Variants in TMPRSS15 observed in about 807,000 individuals in gnomAD.
TMPRSS15 encodes the protein transmembrane serine protease 15.
Under a neutral mutation model 125.3 loss-of-function variants are expected in TMPRSS15, and 128 were observed. The observed-to-expected ratio is 1.02, with a 90% CI of 0.89 to 1.18. The LOEUF is 1.18. TMPRSS15 is among the 50% of genes most tolerant of loss of function. The pLI is 0.00. For missense variants in TMPRSS15, 1,283 were observed against 1,212.7 expected, an observed-to-expected ratio of 1.06 and a Z score of -0.86; for synonymous variants, 446 against 423.2, an observed-to-expected ratio of 1.05 and a Z score of -0.66.
rs558294431 is a variant in TMPRSS15 at position 18,466,576 on chromosome 21, C to T, written c.10+19223G>A. On this transcript the variant is annotated intron_variant, in intron 1 of 7. Transcript: ENST00000422787. ...CTTTAACAAATATACAAGAAAAAAA[C>T]AACCCCATCAAAAAGTGGGCAAAGG... is the stretch of plus-strand genomic sequence containing the variant. Among the ~76,000 whole-genome samples, 6 of 151,974 alleles carry T rather than the reference C, an allele frequency of 3.9e-5. No individual in the cohort carries two copies. The South Asian group carries it at 1.2e-3, about 32-fold the overall frequency.
chr21:18,321,552 C>T (rs2075237084), intron 16 of TMPRSS15, among the ~76,000 whole-genome samples: 1 of 152,082 alleles, frequency 6.6e-6, no homozygotes, highest in African/African-American at 2.4e-5. Flanking sequence ...CGGGGTTTCA[C>T]CGTGTTAGCC....
At chr21:18,441,014 C>T (rs1308141810) in intron 1 of TMPRSS15, among the ~76,000 whole-genome samples, 1 of 152,140 alleles carries the variant, frequency 6.6e-6, no homozygotes, top group Non-Finnish European at 1.5e-5. Flanking sequence ...AAAGTTGTGC[C>T]AGGTGTGGTG....
At chr21:18,332,391 A>T (rs974939599) in intron 13 of TMPRSS15, among the ~76,000 whole-genome samples, 3 of 152,250 alleles carry the variant, frequency 2.0e-5, no homozygotes, top group African/African-American at 7.2e-5. Flanking sequence ...GCTTTTTTTC[A>T]TGTGATTGTT....
At chr21:18,451,369 A>G (rs929904201) in intron 1 of TMPRSS15, among the ~76,000 whole-genome samples, 1 of 152,196 alleles carries the variant, frequency 6.6e-6, no homozygotes, top group African/African-American at 2.4e-5. Context: ...TGAATTGATC[A>G]TAGATTTGTC....
At chr21:18,331,713 C>T (rs1437927269) in intron 14 of TMPRSS15, among the ~76,000 whole-genome samples, 1 of 152,174 alleles carries the variant, frequency 6.6e-6, no homozygotes, top group Non-Finnish European at 1.5e-5. Flanking sequence ...GTTAAACACA[C>T]TATAGACATT....
chr21:18,460,119 C>T (rs1978524368), intron 1 of TMPRSS15, among the ~76,000 whole-genome samples: 1 of 151,918 alleles, frequency 6.6e-6, no homozygotes, highest in Non-Finnish European at 1.5e-5. Flanking sequence ...ATAATTTTGC[C>T]ACTTTCCTGT....
Position 18,269,681 on chromosome 21 carries a change from A to G in TMPRSS15, c.*288T>C, listed in dbSNP as rs1454584984. On this transcript the variant is annotated 3_prime_UTR_variant, in exon 25 of 25. Transcript: ENST00000284885. ...ACATCCCTTTAAACAACAGTAAGTA[A>G]TAAAAATAATCATTAAGAATTTTAA... 1.2e-5 allele frequency: 4 copies of G among 338,540 alleles called. No individual in the cohort carries two copies. The highest frequency in any genetic ancestry group is 2.2e-5 in the Non-Finnish European group (4 of 180,364). The allele number at this position is 338,540 out of a possible 1,614,324, so 21.0% of individuals were successfully genotyped here. A position where few individuals can be genotyped will look rare whatever the true frequency, so the allele number is the denominator to read the frequency against.
chr21:18,298,218 G>A (rs1277406580), intron 18 of TMPRSS15, among the ~76,000 whole-genome samples: 1 of 152,140 alleles, frequency 6.6e-6, no homozygotes, highest in Non-Finnish European at 1.5e-5. Context: ...TTGCTGCACT[G>A]TAATTTATTA....
intron 18 of TMPRSS15, among the ~76,000 whole-genome samples, chr21:18,300,866 T>C (rs1420655410): frequency 6.6e-6 from 1 of 152,110 alleles, no homozygotes; most frequent in East Asian, 1.9e-4. Flanking sequence ...TAATGGGTAT[T>C]CAGTAAATGC....
chr21:18,353,613 A>G, intron 9 of TMPRSS15, 110 bp downstream of exon 9: 2 of 916,692 alleles, frequency 2.2e-6, no homozygotes. Flanking sequence ...CATACAAGAT[A>G]CTCATTATAA....
At chr21:18,456,751 C>A (rs139009636) in intron 1 of TMPRSS15, among the ~76,000 whole-genome samples, 1 of 152,038 alleles carries the variant, frequency 6.6e-6, no homozygotes, top group African/African-American at 2.4e-5. Flanking sequence ...GTAATCAAAG[C>A]ATACACTTGG....
At chr21:18,327,647 T>G (rs746390166) in intron 15 of TMPRSS15, among the ~76,000 whole-genome samples, 1 of 152,232 alleles carries the variant, frequency 6.6e-6, no homozygotes, top group Non-Finnish European at 1.5e-5. Context: ...TTCATGTGAT[T>G]GTATCCTGAC....
At chr21:18,427,937 T>C (rs2076207032) in intron 1 of TMPRSS15, among the ~76,000 whole-genome samples, 1 of 152,218 alleles carries the variant, frequency 6.6e-6, no homozygotes. Flanking sequence ...TCACATATCA[T>C]GTAAGGCAGT....
intron 6 of TMPRSS15, among the ~76,000 whole-genome samples, chr21:18,371,345 G>A (rs946738145): frequency 6.6e-6 from 1 of 152,078 alleles, no homozygotes; most frequent in Non-Finnish European, 1.5e-5. Context: ...CCACTAATAA[G>A]GGAGAACTAC....
At chr21:18,410,335 A>G (rs1420761208) in intron 1 of TMPRSS15, among the ~76,000 whole-genome samples, 1 of 151,990 alleles carries the variant, frequency 6.6e-6, no homozygotes, top group African/African-American at 2.4e-5. Flanking sequence ...ACTGTGCTAC[A>G]TACTATTCTC....
At chr21:18,461,913 T>A (rs1203514638) in intron 1 of TMPRSS15, among the ~76,000 whole-genome samples, 1 of 152,148 alleles carries the variant, frequency 6.6e-6, no homozygotes, top group Non-Finnish European at 1.5e-5. Flanking sequence ...TCTTTGGTTA[T>A]CAGAATTAGA....
intron 6 of TMPRSS15, among the ~76,000 whole-genome samples, chr21:18,366,940 T>C (rs936585115): frequency 2.6e-5 from 4 of 152,096 alleles, no homozygotes; most frequent in African/African-American, 9.7e-5. Context: ...ATATTTTATG[T>C]ATATAAAATA....
intron 8 of TMPRSS15, among the ~76,000 whole-genome samples, chr21:18,356,416 T>C (rs1248407857): frequency 1.3e-5 from 2 of 151,744 alleles, no homozygotes; most frequent in African/African-American, 4.8e-5. Flanking sequence ...ATGAATTTAG[T>C]CTGGGGCCAA....
chr21:18,291,885 AT>A (rs1312047414), intron 21 of TMPRSS15, among the ~76,000 whole-genome samples: 3 of 152,284 alleles, frequency 2.0e-5, no homozygotes, highest in African/African-American at 7.2e-5. Flanking sequence ...AAGACATTTT[AT>A]TGTCCTATGT....
Sources: gnomAD v4.1 joint callset for allele counts (sites outside exome capture counted in the v4.1 genomes callset) on GRCh38, gnomAD v4.1.1 for gene constraint, MANE v1.5 for transcripts, NCBI Gene and HGNC (gene_info 2026-07-23, HGNC 2026-07-21) for gene names.